JMJD1C: variants seen among roughly 807,000 people sequenced by gnomAD.
The protein encoded by JMJD1C is jumonji domain containing 1C, also known as jumonji domain-containing protein 1C.
Under a neutral mutation model 245.3 loss-of-function variants are expected in JMJD1C, and 31 were observed. The observed-to-expected ratio is 0.13, with a 90% CI of 0.09 to 0.17. The LOEUF (loss-of-function observed/expected upper bound fraction) is 0.17. Ranked by LOEUF, JMJD1C falls within the 10% of genes least tolerant of loss-of-function variation. The pLI is 1.00. For missense variants in JMJD1C, 2,691 were observed against 3,000.2 expected, an observed-to-expected ratio of 0.90 and a Z score of 2.41; for synonymous variants, 1,057 against 1,017.4, an observed-to-expected ratio of 1.04 and a Z score of -0.74.
intron 2 of JMJD1C, among the ~76,000 whole-genome samples, chr10:63,370,008 G>C (rs1412750404): frequency 6.6e-6 from 1 of 152,204 alleles, no homozygotes; most frequent in African/African-American, 2.4e-5. Flanking sequence ...CTTTCAGCTA[G>C]TATGTGATTT....
At chr10:63,273,922 A>ATGTTT (rs1856555168) in intron 2 of JMJD1C, among the ~76,000 whole-genome samples, 2 of 152,212 alleles carry the variant, frequency 1.3e-5, no homozygotes, top group African/African-American at 4.8e-5. Flanking sequence ...AGTTAAAATA[A>ATGTTT]ACAAAGATTT....
At chr10:63,494,859 A>G (rs1954304417) in intron 1 of JMJD1C, among the ~76,000 whole-genome samples, 1 of 152,216 alleles carries the variant, frequency 6.6e-6, no homozygotes, top group South Asian at 2.1e-4. Context: ...ATACCACAAT[A>G]TGATCTGAAT....
intron 2 of JMJD1C, among the ~76,000 whole-genome samples, chr10:63,328,364 G>A (rs879520480): frequency 1.3e-5 from 2 of 151,972 alleles, no homozygotes; most frequent in Admixed American, 1.3e-4. Context: ...GAGGATTAGG[G>A]GAAAAAGCTG....
chr10:63,313,399 G>A (rs1421675409), intron 2 of JMJD1C, among the ~76,000 whole-genome samples: 1 of 152,040 alleles, frequency 6.6e-6, no homozygotes, highest in Non-Finnish European at 1.5e-5. Flanking sequence ...GTGCTGCTTT[G>A]AACATGACTG....
At chr10:63,266,966 T>G (rs183828169) in intron 2 of JMJD1C, among the ~76,000 whole-genome samples, 34 of 152,258 alleles carry the variant, frequency 2.2e-4, no homozygotes, top group Admixed American at 5.2e-4. Context: ...TCTAAGTTAA[T>G]TTGAAAAAAG....
Position 63,213,995 on chromosome 10 carries a change from T to C in JMJD1C, c.2172A>G (p.Thr724=), listed in dbSNP as rs961669038. ...YRDPALIGSE[T]GANHISPFLS... ...GGAAAGGTGAAATATGATTAGCTCC[T>C]GTTTCTGACCCAATAAGTGCAGGAT... Residue 724 remains threonine (T), a synonymous_variant, in exon 8 of 26, where the codon ACA becomes ACG. Coordinates refer to ENST00000399262, the MANE Select transcript of JMJD1C (RefSeq NM_032776.3). The C allele has an allele frequency of 4.3e-6, 7 of 1,614,108 alleles. No homozygotes were observed. The highest frequency in any genetic ancestry group is 5.9e-6 in the Non-Finnish European group (7 of 1,180,032).
intron 1 of JMJD1C, chr10:63,427,355 C>T: frequency 9.6e-7 from 1 of 1,043,426 alleles, no homozygotes. Context: ...CAAGTGTTCA[C>T]CGCCTTCTGG....
chr10:63,497,441 C>A (rs989180953), intron 1 of JMJD1C, among the ~76,000 whole-genome samples: 12 of 152,158 alleles, frequency 7.9e-5, no homozygotes, highest in African/African-American at 2.9e-4. Context: ...ATGTCCAGAA[C>A]AGGCAAATCT....
chr10:63,225,992 C>CG (rs374871800), intron 3 of JMJD1C, among the ~76,000 whole-genome samples: 67 of 151,672 alleles, frequency 4.4e-4, no homozygotes, highest in African/African-American at 1.5e-3. Flanking sequence ...CCCACCCCCC[C>CG]CTTCCCTCCA....
intron 1 of JMJD1C, among the ~76,000 whole-genome samples, chr10:63,515,401 A>G (rs1422695425): frequency 6.6e-6 from 1 of 152,166 alleles, no homozygotes; most frequent in Non-Finnish European, 1.5e-5. Flanking sequence ...ATTTACTGTG[A>G]GGACCTGGTA....
chr10:63,431,654 TA>T (rs1015692024), intron 1 of JMJD1C, among the ~76,000 whole-genome samples: 5 of 152,232 alleles, frequency 3.3e-5, no homozygotes, highest in African/African-American at 1.2e-4. Context: ...GCTCCTTGAC[TA>T]GGGGCAAACT....
At chr10:63,174,651 T>C (rs1434409023) in intron 24 of JMJD1C, among the ~76,000 whole-genome samples, 2 of 151,974 alleles carry the variant, frequency 1.3e-5, no homozygotes, top group Non-Finnish European at 2.9e-5. Flanking sequence ...CTGACCAACG[T>C]GGAAAAACCC....
At chr10:63,395,963 G>C (rs1948456864) in intron 1 of JMJD1C, among the ~76,000 whole-genome samples, 1 of 152,086 alleles carries the variant, frequency 6.6e-6, no homozygotes. Context: ...GGTAGCAAAA[G>C]TAATTTTATA....
intron 2 of JMJD1C, among the ~76,000 whole-genome samples, chr10:63,302,922 T>A (rs61526386): frequency 2.0e-5 from 3 of 151,992 alleles, no homozygotes; most frequent in Non-Finnish European, 4.4e-5. Context: ...CTACTTTTTC[T>A]GAGACAGAGT....
chr10:63,229,751 C>T (rs1008141848), intron 3 of JMJD1C, among the ~76,000 whole-genome samples: 1 of 152,102 alleles, frequency 6.6e-6, no homozygotes, highest in Admixed American at 6.5e-5. Context: ...AAACAGCAAA[C>T]ACCAACATTT....
intron 2 of JMJD1C, among the ~76,000 whole-genome samples, chr10:63,347,301 G>A (rs923321007): frequency 2.0e-5 from 3 of 151,808 alleles, no homozygotes; most frequent in Admixed American, 6.6e-5. Context: ...AAGAAATTAC[G>A]GGCCGGGTGT....
At chr10:63,291,251 T>C (rs948320732) in intron 2 of JMJD1C, among the ~76,000 whole-genome samples, 3 of 126,878 alleles carry the variant, frequency 2.4e-5, no homozygotes, top group African/African-American at 6.3e-5. Flanking sequence ...GAGGTTGCAG[T>C]GAGCTGAGAT....
At chr10:63,413,753 C>T (rs1018458837) in intron 1 of JMJD1C, among the ~76,000 whole-genome samples, 3 of 152,022 alleles carry the variant, frequency 2.0e-5, no homozygotes, top group African/African-American at 7.2e-5. Context: ...CTGGATTTTT[C>T]TGTCAATTCA....
chr10:63,260,790 A>C (rs922569581), intron 3 of JMJD1C, among the ~76,000 whole-genome samples: 3 of 151,594 alleles, frequency 2.0e-5, no homozygotes, highest in Non-Finnish European at 4.4e-5. Context: ...ACTGCATTTC[A>C]CCATGTTGGC....
Sources: allele counts gnomAD v4.1 joint callset (sites outside exome capture counted in the v4.1 genomes callset), GRCh38; gene constraint gnomAD v4.1.1; transcripts MANE v1.5; gene names NCBI Gene and HGNC (gene_info 2026-07-23, HGNC 2026-07-21).